Variants in CMTM7 observed in about 807,000 individuals in gnomAD.
The protein encoded by CMTM7 is CKLF like MARVEL transmembrane domain containing 7.
A neutral mutation model predicts 19.3 loss-of-function variants in CMTM7; 7 were observed. That is an observed-to-expected ratio of 0.36 (90% CI 0.21 to 0.68). The LOEUF is 0.68. CMTM7 is among the 30% of genes least tolerant of loss of function. CMTM7 has a pLI of 0.60. For synonymous variants in CMTM7, 87 were observed against 99.3 expected, an observed-to-expected ratio of 0.88 and a Z score of 0.74; for missense variants, 193 against 232.6, an observed-to-expected ratio of 0.83 and a Z score of 1.11.
intron 1 of CMTM7, among the ~76,000 whole-genome samples, chr3:32,439,060 T>C (rs1386206260): frequency 1.3e-5 from 2 of 152,164 alleles, no homozygotes; most frequent in Non-Finnish European, 2.9e-5. Flanking sequence ...GACTTCCCCA[T>C]GTAGATGTGG....
chr3:32,397,682 C>T (rs1469325253), intron 1 of CMTM7, among the ~76,000 whole-genome samples: 5 of 151,642 alleles, frequency 3.3e-5, no homozygotes, highest in African/African-American at 7.3e-5. Context: ...TGCGGTGAGC[C>T]GAGATCGCAG....
chr3:32,424,660 G>A (rs1032345759), intron 1 of CMTM7, among the ~76,000 whole-genome samples: 46 of 151,458 alleles, frequency 3.0e-4, no homozygotes, highest in Non-Finnish European at 6.5e-4. Context: ...TTGCGGCTGG[G>A]GGGATACATG....
chr3:32,407,376 A>G lies in CMTM7; in HGVS notation c.159+15311A>G, dbSNP rs565993811. ...CATTTGAAACAAGGGAAGGGAAAAA[A>G]ATGTTTACTGAACAGAAAATAAAAG... On this transcript the variant is annotated intron_variant, in intron 1 of 4. Coordinates refer to ENST00000334983, the MANE Select transcript of CMTM7 (RefSeq NM_138410.4). 5.8e-3 allele frequency among the ~76,000 whole-genome samples: 877 copies of G among 152,308 alleles called. 7 individuals are homozygous for G. The highest frequency in any genetic ancestry group is 0.017 in the African/African-American group (692 of 41,568).
chr3:32,416,485 G>T (rs1466463967), intron 1 of CMTM7, among the ~76,000 whole-genome samples: 1 of 118,962 alleles, frequency 8.4e-6, no homozygotes, highest in African/African-American at 3.2e-5. Flanking sequence ...CCGCTTCCCG[G>T]GTTCACTCCA....
At chr3:32,443,885 C>T (rs774229172) in intron 2 of CMTM7, among the ~76,000 whole-genome samples, 25 of 152,036 alleles carry the variant, frequency 1.6e-4, no homozygotes, top group Non-Finnish European at 3.2e-4. Flanking sequence ...CTATTCGAGT[C>T]CTTTGCCTAT....
chr3:32,408,953 G>A (rs1371130908), intron 1 of CMTM7, among the ~76,000 whole-genome samples: 1 of 151,878 alleles, frequency 6.6e-6, no homozygotes, highest in African/African-American at 2.4e-5. Context: ...TGCAATCTTG[G>A]CTCACTGCAA....
Position 32,410,650 on chromosome 3 carries a change from A to G in CMTM7, c.159+18585A>G, listed in dbSNP as rs139179719. Among the ~76,000 whole-genome samples the G allele has an allele frequency of 1.4e-3, 206 of 152,332 alleles. 1 individual carries two copies. Among genetic ancestry groups the G allele is most frequent in the African/African-American group, 4.8e-3 (199 of 41,578 alleles). On this transcript the variant is annotated intron_variant, in intron 1 of 4. Coordinates refer to ENST00000334983, the MANE Select transcript of CMTM7 (RefSeq NM_138410.4). ...ACAGAGAGGCTAGGATGCCTAGCAA[A>G]GAGAGGCTAGGATTCCTGTCCTGGA...
intron 1 of CMTM7, among the ~76,000 whole-genome samples, chr3:32,399,608 G>GT (rs1695972005): frequency 6.6e-6 from 1 of 152,202 alleles, no homozygotes; most frequent in African/African-American, 2.4e-5. Context: ...GAATAGACCT[G>GT]TTAGCACAGA....
intron 1 of CMTM7, among the ~76,000 whole-genome samples, chr3:32,430,150 G>A (rs1696493922): frequency 6.6e-6 from 1 of 152,176 alleles, no homozygotes; most frequent in Admixed American, 6.5e-5. Flanking sequence ...AACTGATAGA[G>A]TTGTGCAGCC....
chr3:32,402,168 G>T (rs1158646000), intron 1 of CMTM7, among the ~76,000 whole-genome samples: 10 of 152,190 alleles, frequency 6.6e-5, no homozygotes, highest in African/African-American at 1.9e-4. Flanking sequence ...CTGGAGTGCA[G>T]TGGTGCAATC....
intron 3 of CMTM7, 91 bp from the exon 4 acceptor site, chr3:32,452,301 G>A: frequency 6.2e-7 from 1 of 1,606,648 alleles, no homozygotes. Context: ...GAGACATGAA[G>A]GGAACAAGCA....
chr3:32,415,427 T>A (rs1041584010), intron 1 of CMTM7, among the ~76,000 whole-genome samples: 18 of 152,202 alleles, frequency 1.2e-4, no homozygotes, highest in African/African-American at 4.3e-4. Context: ...TCTTCCACTG[T>A]CATGCTGCCT....
rs538089344 is a variant in CMTM7, at chr3:32,398,855, C to T, written c.159+6790C>T. On this transcript the variant is annotated intron_variant, in intron 1 of 4. Transcript: ENST00000334983. The stretch of plus-strand genomic sequence containing the variant: ...CAAAAATTAGATGGGTGTGGTAGCA[C>T]GTGCCTGTAGTCCCAGCTACTCGGG... 2.4e-4 allele frequency among the ~76,000 whole-genome samples: 37 copies of T among 152,024 alleles called. No homozygotes were observed. In the South Asian group the frequency reaches 6.7e-3, roughly 27 times the overall value.
intron 1 of CMTM7, among the ~76,000 whole-genome samples, chr3:32,431,408 CT>C (rs942507790): frequency 2.6e-4 from 39 of 147,212 alleles, no homozygotes; most frequent in South Asian, 8.6e-4. Flanking sequence ...TGGAGTAACA[CT>C]TTTTTTTTTT....
intron 1 of CMTM7, among the ~76,000 whole-genome samples, chr3:32,430,500 A>G (rs1250604676): frequency 1.3e-5 from 2 of 152,124 alleles, no homozygotes; most frequent in Admixed American, 6.5e-5. Flanking sequence ...TTGACATCCT[A>G]CTATGTGCTG....
intron 1 of CMTM7, among the ~76,000 whole-genome samples, chr3:32,403,713 A>G (rs866876906): frequency 6.6e-5 from 10 of 152,120 alleles, no homozygotes; most frequent in South Asian, 2.1e-4. Context: ...CATGATCATT[A>G]TGTTGTGTAT....
At chr3:32,442,929 C>G (rs1696702984) in intron 2 of CMTM7, among the ~76,000 whole-genome samples, 1 of 152,108 alleles carries the variant, frequency 6.6e-6, no homozygotes, top group Non-Finnish European at 1.5e-5. Flanking sequence ...ACCTCCCTAC[C>G]ACTCATCCCT....
At chr3:32,422,302 G>A (rs762647395) in intron 1 of CMTM7, among the ~76,000 whole-genome samples, 3 of 152,174 alleles carry the variant, frequency 2.0e-5, no homozygotes, top group Non-Finnish European at 4.4e-5. Flanking sequence ...TAATCAAGGC[G>A]GCCTACACCC....
chr3:32,401,382 T>G (rs1342590503), intron 1 of CMTM7, among the ~76,000 whole-genome samples: 1 of 152,080 alleles, frequency 6.6e-6, no homozygotes, highest in Non-Finnish European at 1.5e-5. Context: ...CAGCCCAAAG[T>G]CCTCCAGGCT....
Sources: gnomAD v4.1 joint callset for allele counts (sites outside exome capture counted in the v4.1 genomes callset) on GRCh38, gnomAD v4.1.1 for gene constraint, MANE v1.5 for transcripts, NCBI Gene and HGNC (gene_info 2026-07-23, HGNC 2026-07-21) for gene names.